The following ZNF81 variants were observed in gnomAD, a reference collection of about 807,000 sequenced individuals.
ZNF81 encodes the protein zinc finger protein 81.
Under a neutral mutation model 32.3 loss-of-function variants are expected in ZNF81, and 5 were observed. That is an observed-to-expected ratio of 0.15 (90% confidence interval 0.08 to 0.33). ZNF81 has a LOEUF of 0.33. Ranked by LOEUF, ZNF81 falls within the 10% of genes least tolerant of loss-of-function variation. The pLI is 1.00. For missense variants in ZNF81, 379 were observed against 479.8 expected (o/e 0.79, Z 1.96); for synonymous variants, 163 against 166.8 (o/e 0.98, Z 0.17).
chrX:47,895,921 C>A lies in ZNF81; in HGVS notation c.258C>A (p.Ala86=). ...GEGPWTLEGE[A]PHQSCSDGKF... is the part of the protein sequence containing the mutation. ...GGCCATGGACATTGGAAGGGGAAGCCCCACATCAGAGCTGTTCAGGTGAGT... is the reference window on the plus strand; with the variant it reads ...GGCCATGGACATTGGAAGGGGAAGCACCACATCAGAGCTGTTCAGGTGAGT... The change falls in exon 4 of 5, where the codon GCC becomes GCA. Residue 86 remains alanine, a synonymous_variant. Transcript: ENST00000338637. The A allele has an allele frequency of 4.1e-6, 5 of 1,208,143 alleles. No homozygotes were observed. Among genetic ancestry groups the A allele is most frequent in the Non-Finnish European group, 5.6e-6 (5 of 892,426 alleles).
At chrX:47,861,096 G>A (rs2058538715) in intron 2 of ZNF81, 1 of 111,984 alleles carries the variant, frequency 8.9e-6, no homozygotes, top group Non-Finnish European at 1.9e-5. Context: ...TGAACCCGAG[G>A]AGGAGTTTGT....
intron 2 of ZNF81, among the ~76,000 whole-genome samples, chrX:47,849,020 G>T (rs2058482705): frequency 9.0e-6 from 1 of 111,259 alleles, no homozygotes; most frequent in Non-Finnish European, 1.9e-5. Context: ...TGTCACAGAA[G>T]GTAGCCAATT....
intron 3 of ZNF81, 159 bp downstream of exon 3, chrX:47,888,284 T>C: frequency 3.9e-6 from 3 of 759,719 alleles, no homozygotes; most frequent in Non-Finnish European, 5.7e-6. Flanking sequence ...AATGAGATCA[T>C]TAGGGTGGGC....
At position 47,876,941 on chromosome X, in the gene ZNF81, G is replaced by C. The variant is rs1556884607; in HGVS notation, c.55-11058G>C. Among the ~76,000 whole-genome samples, 4 of 112,337 alleles carry C rather than the reference G, an allele frequency of 3.6e-5. 1 individual carries two copies. The Admixed American group carries it at 3.7e-4, about 11-fold the overall frequency. On this transcript the variant is annotated intron_variant, in intron 2 of 4. Coordinates refer to ENST00000338637, the MANE Select transcript of ZNF81 (RefSeq NM_007137.5). The stretch of plus-strand genomic sequence containing the variant: ...TGTTGGACCACCTGGGAGAGGAAGG[G>C]AGATGGATTGGGGAGTGGCTTGCAT...
intron 2 of ZNF81, among the ~76,000 whole-genome samples, chrX:47,855,401 A>G (rs1235299831): frequency 9.0e-6 from 1 of 110,993 alleles, no homozygotes; most frequent in Non-Finnish European, 1.9e-5. Flanking sequence ...TCTGAAGTGC[A>G]GTAAAGTGCA....
intron 2 of ZNF81, among the ~76,000 whole-genome samples, chrX:47,871,401 G>A (rs2058579789): frequency 9.0e-6 from 1 of 111,444 alleles, no homozygotes; most frequent in Non-Finnish European, 1.9e-5. Context: ...TTTAATTCCA[G>A]GCAAAACATA....
chrX:47,883,171 C>T (rs1325659338), intron 2 of ZNF81, among the ~76,000 whole-genome samples: 2 of 111,532 alleles, frequency 1.8e-5, no homozygotes, highest in African/African-American at 6.5e-5. Context: ...TGGTGAACAT[C>T]TTTTCATGTG....
intron 4 of ZNF81, 96 bp downstream of exon 4, chrX:47,896,036 G>C (rs910340145): frequency 1.1e-5 from 7 of 658,628 alleles, no homozygotes; most frequent in African/African-American, 2.2e-5. Flanking sequence ...TTGCTTAAAG[G>C]TTGGAAACTT....
chrX:47,848,883 C>T (rs188611391), intron 2 of ZNF81, among the ~76,000 whole-genome samples: 52 of 111,935 alleles, frequency 4.6e-4, no homozygotes, highest in African/African-American at 1.7e-3. Context: ...AATTCTCTTA[C>T]CCATCTTTCT....
At chrX:47,914,436 G>T (rs1452261961) in intron 4 of ZNF81, among the ~76,000 whole-genome samples, 1 of 111,858 alleles carries the variant, frequency 8.9e-6, no homozygotes, top group Admixed American at 9.5e-5. Flanking sequence ...CTATTGCTGC[G>T]TTGTAGTGCA....
intron 2 of ZNF81, among the ~76,000 whole-genome samples, chrX:47,848,026 T>TGCCTCA (rs2058478019): frequency 9.1e-6 from 1 of 110,341 alleles, no homozygotes; most frequent in Non-Finnish European, 1.9e-5. Flanking sequence ...ACCATTCTCC[T>TGCCTCA]GCCTCAGCCT....
chrX:47,905,544 T>G (rs1413575543), intron 4 of ZNF81, among the ~76,000 whole-genome samples: 1 of 111,066 alleles, frequency 9.0e-6, no homozygotes, highest in Non-Finnish European at 1.9e-5. Flanking sequence ...TATAATCTGA[T>G]GTTTTCAAAA....
intron 2 of ZNF81, among the ~76,000 whole-genome samples, chrX:47,887,212 G>A (rs1427820349): frequency 8.9e-6 from 1 of 111,849 alleles, no homozygotes; most frequent in Non-Finnish European, 1.9e-5. Flanking sequence ...CATACTGCCT[G>A]TATTACTGTA....
intron 4 of ZNF81, among the ~76,000 whole-genome samples, chrX:47,899,556 CT>C (rs2058691521): frequency 9.2e-6 from 1 of 108,964 alleles, no homozygotes; most frequent in African/African-American, 3.3e-5. Context: ...TCATGGTTTT[CT>C]TTTTTTTCAA....
At chrX:47,879,222 A>G (rs1453061395) in intron 2 of ZNF81, among the ~76,000 whole-genome samples, 3 of 111,793 alleles carry the variant, frequency 2.7e-5, no homozygotes, top group Non-Finnish European at 5.6e-5. Context: ...TAGACGATGG[A>G]CATCCATGGC....
intron 1 of ZNF81, among the ~76,000 whole-genome samples, chrX:47,843,666 G>C (rs2058459961): frequency 9.0e-6 from 1 of 111,401 alleles, no homozygotes; most frequent in Admixed American, 9.6e-5. Flanking sequence ...TGGAACTACA[G>C]GTGCACACAA....
rs1384337983 is a variant in ZNF81 at position 47,923,787 on chromosome X, G to A, written c.*7155G>A. ...AGTAGAAATTACATGAGATTTGGAA[G>A]GTCAAAGGGAAGGAGCAACTATTGC... On this transcript the variant is annotated 3_prime_UTR_variant, in exon 5 of 5. Transcript: ENST00000338637. 8.9e-6 allele frequency among the ~76,000 whole-genome samples: 1 copy of A among 111,828 alleles called. No homozygotes were observed. The highest frequency in any genetic ancestry group is 3.3e-5 in the African/African-American group (1 of 30,733).
At chrX:47,844,718 A>G (rs1556880218) in intron 1 of ZNF81, among the ~76,000 whole-genome samples, 1 of 112,056 alleles carries the variant, frequency 8.9e-6, no homozygotes, top group Non-Finnish European at 1.9e-5. Context: ...TCTGGGTTAT[A>G]TGGTGACTTT....
intron 3 of ZNF81, among the ~76,000 whole-genome samples, chrX:47,892,582 A>T (rs1415411334): frequency 8.9e-6 from 1 of 112,196 alleles, no homozygotes; most frequent in Non-Finnish European, 1.9e-5. Flanking sequence ...TTAGCCAACC[A>T]GCCAACCAAA....
Sources: allele counts gnomAD v4.1 joint callset (sites outside exome capture counted in the v4.1 genomes callset), GRCh38; gene constraint gnomAD v4.1.1; transcripts MANE v1.5; gene names NCBI Gene and HGNC (gene_info 2026-07-23, HGNC 2026-07-21).